SGO2: variants seen among roughly 807,000 people sequenced by gnomAD.
SGO2 encodes shugoshin 2, also known as shugoshin-like 2.
SGO2 carries 68 observed loss-of-function variants against 99.5 expected under a neutral mutation model. That is an observed-to-expected ratio of 0.68 (90% CI 0.56 to 0.84). The LOEUF (loss-of-function observed/expected upper bound fraction) is 0.84, where lower values mean the gene tolerates loss of function less well. Among genes scored for constraint, SGO2 ranks in the 40% least tolerant of loss-of-function variants. The probability of loss-of-function intolerance (pLI) is 0.00; values close to 1 mark genes in which losing one functional copy is unlikely to be tolerated. For missense variants in SGO2, 1,350 were observed against 1,436.7 expected (o/e 0.94, Z 0.97); for synonymous variants, 457 against 487.1 (o/e 0.94, Z 0.81).
At chr2:200,543,966 A>T (rs2032087055) in intron 5 of SGO2, among the ~76,000 whole-genome samples, 2 of 152,192 alleles carry the variant, frequency 1.3e-5, no homozygotes, top group Non-Finnish European at 2.9e-5. Flanking sequence ...GAATATTACC[A>T]ACATCTCAGA....
At chr2:200,544,708 T>TATCC (rs1393558741) in intron 5 of SGO2, among the ~76,000 whole-genome samples, 3 of 151,950 alleles carry the variant, frequency 2.0e-5, no homozygotes, top group Non-Finnish European at 4.4e-5. Context: ...TCTATCTATC[T>TATCC]ATCTATCTAT....
rs566182030 is a variant in SGO2 at position 200,530,470 on chromosome 2, A to G, written c.-2-2504A>G. The stretch of plus-strand genomic sequence containing the variant: ...AATTGTGGAGTAGACAGCTGGATAC[A>G]TGAATCCAGTGTTCAGGAAAGAGAT... On this transcript the variant is annotated intron_variant, in intron 1 of 8. Transcript: ENST00000357799. Among the ~76,000 whole-genome samples the G allele has an allele frequency of 4.6e-5, 7 of 152,374 alleles. No individual in the cohort carries two copies. The South Asian group carries it at 1.4e-3, about 32-fold the overall frequency.
Position 200,583,497 on chromosome 2 carries a change from T to G in SGO2, c.*33T>G. On this transcript the variant is annotated 3_prime_UTR_variant, in exon 9 of 9. Coordinates refer to ENST00000357799, the MANE Select transcript of SGO2 (RefSeq NM_152524.6). ...TTATGGATTCTGGTTTTTCTGAATT[T>G]TCAAAGCATAAGGAATCAAAACAGA... 1 of 1,578,296 alleles carries G rather than the reference T, an allele frequency of 6.3e-7. No individual in the cohort carries two copies. The highest frequency in any genetic ancestry group is 8.6e-7 in the Non-Finnish European group (1 of 1,161,812).
intron 5 of SGO2, among the ~76,000 whole-genome samples, chr2:200,556,617 G>T (rs1051657332): frequency 1.3e-5 from 2 of 152,126 alleles, no homozygotes; most frequent in Non-Finnish European, 2.9e-5. Context: ...CAACCAGAAA[G>T]TACTCATTCC....
chr2:200,561,930 A>G (rs1227009327), intron 5 of SGO2, among the ~76,000 whole-genome samples: 3 of 152,030 alleles, frequency 2.0e-5, no homozygotes, highest in Non-Finnish European at 2.9e-5. Context: ...AAATTTGTTT[A>G]AGTTCTTTGT....
At chr2:200,579,284 A>G (rs1178616396) in intron 8 of SGO2, among the ~76,000 whole-genome samples, 1 of 152,152 alleles carries the variant, frequency 6.6e-6, no homozygotes, top group African/African-American at 2.4e-5. Flanking sequence ...TGAGTTCTCC[A>G]GGTATAGTAT....
chr2:200,553,505 C>T (rs1028582565), intron 5 of SGO2, among the ~76,000 whole-genome samples: 3 of 152,132 alleles, frequency 2.0e-5, no homozygotes, highest in Non-Finnish European at 4.4e-5. Context: ...AACTCAAAAA[C>T]AACTGATGAG....
intron 5 of SGO2, among the ~76,000 whole-genome samples, chr2:200,553,901 A>G (rs1053276158): frequency 2.0e-5 from 3 of 152,092 alleles, no homozygotes; most frequent in African/African-American, 7.2e-5. Flanking sequence ...AGGTCAAGAA[A>G]CCTGTACAGG....
intron 4 of SGO2, among the ~76,000 whole-genome samples, chr2:200,536,467 TTTTG>T (rs960695335): frequency 1.8e-4 from 27 of 152,246 alleles, no homozygotes; most frequent in South Asian, 4.1e-4. Flanking sequence ...GGTTTTTGTT[TTTTG>T]TTTGTTTGTT....
chr2:200,558,994 G>T (rs1488799883), intron 5 of SGO2, among the ~76,000 whole-genome samples: 2 of 152,004 alleles, frequency 1.3e-5, no homozygotes, highest in South Asian at 4.1e-4. Flanking sequence ...ATAGAGACAG[G>T]GTTTCGCCAT....
intron 8 of SGO2, among the ~76,000 whole-genome samples, chr2:200,577,097 G>C (rs1403936514): frequency 6.7e-6 from 1 of 150,360 alleles, no homozygotes; most frequent in African/African-American, 2.5e-5. Flanking sequence ...TTAATTGTTT[G>C]AGGAACTGCC....
At chr2:200,558,079 G>A (rs1404718226) in intron 5 of SGO2, among the ~76,000 whole-genome samples, 1 of 152,018 alleles carries the variant, frequency 6.6e-6, no homozygotes, top group East Asian at 1.9e-4. Flanking sequence ...GGCCAGGGTG[G>A]TCTCGATCTC....
At chr2:200,568,588 T>C (rs1249962162) in intron 5 of SGO2, among the ~76,000 whole-genome samples, 2 of 152,174 alleles carry the variant, frequency 1.3e-5, no homozygotes, top group Non-Finnish European at 2.9e-5. Flanking sequence ...GGCTCTCCTC[T>C]TTACCTCTCT....
intron 5 of SGO2, 64 bp from the exon 6 acceptor site, chr2:200,569,599 C>T (rs2033315720): frequency 5.1e-6 from 6 of 1,185,592 alleles, no homozygotes; most frequent in Admixed American, 5.1e-5. Flanking sequence ...GAAATAACTG[C>T]CCATGCATTT....
At chr2:200,558,951 C>T (rs552985860) in intron 5 of SGO2, among the ~76,000 whole-genome samples, 7 of 151,972 alleles carry the variant, frequency 4.6e-5, no homozygotes, top group African/African-American at 9.6e-5. Context: ...TACAGATGCT[C>T]GCCAACGCGC....
chr2:200,563,103 A>G (rs2033039887), intron 5 of SGO2, among the ~76,000 whole-genome samples: 1 of 152,186 alleles, frequency 6.6e-6, no homozygotes, highest in Admixed American at 6.5e-5. Context: ...TATGTTGAAT[A>G]GGAGTGGTGA....
intron 5 of SGO2, among the ~76,000 whole-genome samples, chr2:200,546,401 T>C (rs2032220262): frequency 7.0e-6 from 1 of 142,204 alleles, no homozygotes; most frequent in South Asian, 2.3e-4. Context: ...GCAGATATAT[T>C]CAATAAAATC....
At chr2:200,552,649 G>A (rs1052266731) in intron 5 of SGO2, among the ~76,000 whole-genome samples, 3 of 152,148 alleles carry the variant, frequency 2.0e-5, no homozygotes, top group Non-Finnish European at 4.4e-5. Context: ...TGGTGCTGGT[G>A]GGAGTGTCTT....
intron 5 of SGO2, among the ~76,000 whole-genome samples, chr2:200,567,722 G>A (rs776523630): frequency 2.0e-5 from 3 of 152,136 alleles, no homozygotes; most frequent in Non-Finnish European, 4.4e-5. Flanking sequence ...GGCCTTTTGT[G>A]TCTGGCTTTT....
Sources: allele counts gnomAD v4.1 joint callset (sites outside exome capture counted in the v4.1 genomes callset), GRCh38; gene constraint gnomAD v4.1.1; transcripts MANE v1.5; gene names NCBI Gene and HGNC (gene_info 2026-07-23, HGNC 2026-07-21).